Variants in ANKRD2 observed in about 807,000 individuals in gnomAD.
The protein encoded by ANKRD2 is ankyrin repeat domain-containing protein 2.
Under a neutral mutation model 37.3 loss-of-function variants are expected in ANKRD2, and 35 were observed. The ratio of observed to expected loss-of-function variants is 0.94; its 90% confidence interval spans 0.72 to 1.24. The LOEUF (loss-of-function observed/expected upper bound fraction) is 1.24. ANKRD2 is among the 50% of genes most tolerant of loss of function. The pLI is 0.00. For missense variants in ANKRD2, 410 were observed against 445.6 expected (o/e 0.92, Z 0.72); for synonymous variants, 159 against 186.5 (o/e 0.85, Z 1.20).
Position 97,582,325 on chromosome 10 carries a change from C to T in ANKRD2, c.665C>T (p.Thr222Ile), listed in dbSNP as rs201541205. The T allele has an allele frequency of 5.4e-4, 838 of 1,555,704 alleles. 1 individual carries two copies. Among genetic ancestry groups the T allele is most frequent in the Non-Finnish European group, 3.5e-5 (40 of 1,149,040 alleles). ...DTNVRDKLLS[T>I]PLHVAVRTGQ... Reference sequence around the variant, plus strand: ...ATTCCTCCCACCCAGCTGCTGAGCACCCCGCTGCACGTGGCAGTCCGGACA... The same window carrying T: ...ATTCCTCCCACCCAGCTGCTGAGCATCCCGCTGCACGTGGCAGTCCGGACA... The change falls in exon 7 of 9, where the codon ACC becomes ATC. Residue 222 changes from threonine to isoleucine, a missense_variant. By Grantham distance (89) the Thr-to-Ile change is moderately conservative (BLOSUM62 -1). Transcript: ENST00000370655.
At chr10:97,581,005 G>T in intron 5 of ANKRD2, 52 bp downstream of exon 5, 1 of 1,486,820 alleles carries the variant, frequency 6.7e-7, no homozygotes, top group South Asian at 1.2e-5. Context: ...GTCCAGCACT[G>T]ACAGACACCC....
At chr10:97,578,164 CAGCTTAGCT>C in intron 2 of ANKRD2, 67 bp from the exon 3 acceptor site, 1 of 1,387,872 alleles carries the variant, frequency 7.2e-7, no homozygotes, top group Non-Finnish European at 9.8e-7. Flanking sequence ...CCCTCCCCAC[CAGCTTAGCT>C]CAGAGGTCTC....
At chr10:97,578,144 GCCCACCCCACCCTCCCCACCA>G in intron 2 of ANKRD2, 75 bp from the exon 3 acceptor site, 3 of 685,434 alleles carry the variant, frequency 4.4e-6, no homozygotes, top group Non-Finnish European at 5.0e-6. Context: ...GGGTCTTCCT[GCCCACCCCACCCTCCCCACCA>G]GCTTAGCTCA....
rs780584398 is a variant in ANKRD2 at position 97,578,317 on chromosome 10, C to G, written c.267C>G (p.Ile89Met). The change falls in exon 3 of 9, where the codon ATC becomes ATG. Residue 89 changes from isoleucine to methionine, a missense_variant. Coordinates refer to ENST00000370655, the MANE Select transcript of ANKRD2 (RefSeq NM_001346793.2). ...ATGTGGGCGGGATCCAGAACCTCAT[C>G]GAGCTGCGGAAGAAACGCAAGCAGA... is the stretch of plus-strand genomic sequence containing the variant. ...IIDVGGIQNLIELRKKRKQKK... is the reference protein window; with the variant it reads ...IIDVGGIQNLMELRKKRKQKK... 3 of 1,613,304 alleles carry G rather than the reference C, an allele frequency of 1.9e-6. No individual in the cohort carries two copies. Among genetic ancestry groups the G allele is most frequent in the Middle Eastern group, 1.6e-4 (1 of 6,062 alleles).
At chr10:97,573,057 A>G (rs914471078) in intron 1 of ANKRD2, among the ~76,000 whole-genome samples, 182 bp downstream of exon 1, 4 of 152,100 alleles carry the variant, frequency 2.6e-5, no homozygotes, top group Non-Finnish European at 2.9e-5. Context: ...GCAGCAGAAG[A>G]CTGAGGCTTC....
In ANKRD2 at chr10:97,581,187, T is replaced by G. The variant is rs193211665; in HGVS notation, c.556-129T>G. 8.4e-6 allele frequency: 8 copies of G among 948,106 alleles called. No homozygotes were observed. In the African/African-American group the frequency reaches 1.3e-4, roughly 15 times the overall value. The allele number at this position is 948,106 out of a possible 1,614,324, so 58.7% of individuals were successfully genotyped here. On this transcript the variant is annotated intron_variant, in intron 5 of 8. Transcript: ENST00000370655. ...TGTTCTTCTGTTCCACTTGGTCCAT[T>G]GCCCATGCCCAGGCCTGCTCCCTGT...
chr10:97,574,090 C>T (rs1176850878), intron 1 of ANKRD2, among the ~76,000 whole-genome samples: 4 of 152,044 alleles, frequency 2.6e-5, no homozygotes, highest in African/African-American at 9.7e-5. Flanking sequence ...GTTCGAGACT[C>T]ACCTGGCCAA....
intron 2 of ANKRD2, 109 bp downstream of exon 2, chr10:97,578,010 G>C: frequency 8.5e-7 from 1 of 1,173,066 alleles, no homozygotes; most frequent in African/African-American, 1.5e-5. Flanking sequence ...AGCACCCCCG[G>C]TAGAGCTTGC....
chr10:97,579,307 CTTT>C (rs59132098), intron 4 of ANKRD2, among the ~76,000 whole-genome samples: 5 of 135,578 alleles, frequency 3.7e-5, no homozygotes, highest in African/African-American at 2.7e-5. Flanking sequence ...TAGTACTGTA[CTTT>C]TTTTTTTTTT....
At chr10:97,582,479 G>T (rs760387013) in intron 7 of ANKRD2, 66 bp downstream of exon 7, 162 of 1,589,074 alleles carry the variant, frequency 1.0e-4, no homozygotes, top group Non-Finnish European at 1.4e-4. Flanking sequence ...GCCCCTACAG[G>T]TGGTGTCCTT....
chr10:97,572,443 C>A, upstream of ANKRD2: 1 of 498,158 alleles, frequency 2.0e-6, no homozygotes, highest in African/African-American at 1.9e-5. Flanking sequence ...GTCATCTGGG[C>A]TGGAGCATGC....
At chr10:97,577,971 TC>T in intron 2 of ANKRD2, 70 bp downstream of exon 2, 2 of 1,421,882 alleles carry the variant, frequency 1.4e-6, no homozygotes, top group Non-Finnish European at 9.5e-7. Context: ...TCTGCACCTC[TC>T]CCCACGTGGC....
At position 97,577,903 on chromosome 10, in the gene ANKRD2, T is replaced by C. The variant is rs2040845434; in HGVS notation, c.189+2T>C. ...AGTGCAGCCCTGCAGAAGGTGAAGG[T>C]AAGCCTGGGAGGATCCAATGTCTGC... is the stretch of plus-strand genomic sequence containing the variant. On this transcript the variant is annotated splice_donor_variant, in intron 2 of 8. Coordinates refer to ENST00000370655, the MANE Select transcript of ANKRD2 (RefSeq NM_001346793.2). LOFTEE classifies it high-confidence loss of function. The C allele has an allele frequency of 1.9e-6, 3 of 1,557,010 alleles. No individual in the cohort carries two copies. The highest frequency in any genetic ancestry group is 2.6e-6 in the Non-Finnish European group (3 of 1,150,782).
chr10:97,578,924 C>A (rs981532435), intron 4 of ANKRD2, among the ~76,000 whole-genome samples: 2 of 152,160 alleles, frequency 1.3e-5, no homozygotes, highest in East Asian at 3.8e-4. Context: ...CTCTCACTCA[C>A]GAGTTGTGGG....
intron 1 of ANKRD2, among the ~76,000 whole-genome samples, chr10:97,576,883 G>A (rs2040833572): frequency 6.6e-6 from 1 of 151,938 alleles, no homozygotes; most frequent in Non-Finnish European, 1.5e-5. Flanking sequence ...TTTTAGTAGG[G>A]ATGGGGTTTC....
rs1175659390 is a variant in ANKRD2, at chr10:97,580,932, C to T, written c.534C>T (p.Ala178=). Residue 178 remains alanine (A), a synonymous_variant, in exon 5 of 9, where the codon GCC becomes GCT. Transcript: ENST00000370655. ...TGGAGAAGCTTCTAGATAATGGGGC[C>T]ACTGTGGACTTCCAGGATCGGGTGA... is the stretch of plus-strand genomic sequence containing the variant. ...EILEKLLDNG[A]TVDFQDRLDC... is the part of the protein sequence containing the mutation. 2 of 1,600,354 alleles carry T rather than the reference C, an allele frequency of 1.2e-6. No homozygotes were observed. Among genetic ancestry groups the T allele is most frequent in the Admixed American group, 1.7e-5 (1 of 57,636 alleles).
At chr10:97,578,161 C>CCCCCCCA in intron 2 of ANKRD2, 79 bp from the exon 3 acceptor site, 1 of 1,338,014 alleles carries the variant, frequency 7.5e-7, no homozygotes, top group Non-Finnish European at 1.0e-6. Flanking sequence ...CCACCCTCCC[C>CCCCCCCA]ACCAGCTTAG....
At position 97,582,345 on chromosome 10, in the gene ANKRD2, C is replaced by T. The variant is rs1255102227; in HGVS notation, c.685C>T (p.Arg229Trp). 1.2e-5 allele frequency: 18 copies of T among 1,559,684 alleles called. No homozygotes were observed. Among genetic ancestry groups the T allele is most frequent in the Middle Eastern group, 1.7e-4 (1 of 6,020 alleles). ...LLSTPLHVAV[R>W]TGQVEIVEHF... ...GAGCACCCCGCTGCACGTGGCAGTC[C>T]GGACAGGGCAGGTGGAGATTGTGGA... Residue 229 changes from arginine to tryptophan, a missense_variant, in exon 7 of 9, where the codon CGG becomes TGG. By Grantham distance (101) the Arg-to-Trp change is moderately radical (BLOSUM62 -3). Coordinates refer to ENST00000370655, the MANE Select transcript of ANKRD2 (RefSeq NM_001346793.2).
intron 4 of ANKRD2, among the ~76,000 whole-genome samples, chr10:97,580,381 C>T (rs2040882472): frequency 6.6e-6 from 1 of 152,180 alleles, no homozygotes; most frequent in Non-Finnish European, 1.5e-5. Flanking sequence ...AATCAGTGAT[C>T]AGTGTCACCT....
Sources: allele counts gnomAD v4.1 joint callset (sites outside exome capture counted in the v4.1 genomes callset), GRCh38; gene constraint gnomAD v4.1.1; transcripts MANE v1.5; gene names NCBI Gene and HGNC (gene_info 2026-07-23, HGNC 2026-07-21).